ZDHHC21: variants seen among roughly 807,000 people sequenced by gnomAD.
ZDHHC21 encodes palmitoyltransferase ZDHHC21.
ZDHHC21 carries 15 observed loss-of-function variants against 34.6 expected under a neutral mutation model. That is an observed-to-expected ratio of 0.43 (90% CI 0.29 to 0.67). The LOEUF is 0.67. ZDHHC21 is among the 30% of genes least tolerant of loss of function. The probability of loss-of-function intolerance (pLI) is 0.14; values close to 1 mark genes in which losing one functional copy is unlikely to be tolerated. For synonymous variants in ZDHHC21, 142 were observed against 101.8 expected (o/e 1.40, Z -2.38); for missense variants, 344 against 327.7 (o/e 1.05, Z -0.38).
chr9:14,604,280 C>G, the ZDHHC21 span, among the ~76,000 whole-genome samples: 1 of 152,068 alleles, frequency 6.6e-6, no homozygotes, highest in African/African-American at 2.4e-5. Flanking sequence ...AGGAAATAAT[C>G]CACTTAGTGA....
chr9:14,685,151 T>G (rs545926213), intron 2 of ZDHHC21, among the ~76,000 whole-genome samples: 2,194 of 151,758 alleles, frequency 0.014, 27 homozygotes, highest in South Asian at 0.076. Flanking sequence ...GGGCAAGGAC[T>G]TCATGTCTAA....
intron 8 of ZDHHC21, among the ~76,000 whole-genome samples, chr9:14,628,267 T>C (rs983964752): frequency 2.0e-5 from 3 of 152,190 alleles, no homozygotes; most frequent in East Asian, 1.9e-4. Flanking sequence ...ACAGATAATC[T>C]ACTCTTGCTA....
downstream of ZDHHC21, among the ~76,000 whole-genome samples, chr9:14,608,955 T>C (rs1158360100): frequency 6.6e-6 from 1 of 152,150 alleles, no homozygotes; most frequent in Non-Finnish European, 1.5e-5. Context: ...ATATTTTAAG[T>C]GTTCAAAAGC....
chr9:14,667,221 C>A (rs1430359318), intron 5 of ZDHHC21, among the ~76,000 whole-genome samples: 1 of 148,002 alleles, frequency 6.8e-6, no homozygotes, highest in African/African-American at 2.5e-5. Context: ...ACTACAAACA[C>A]CTCTACTCAA....
At chr9:14,660,738 G>C (rs181250031) in intron 6 of ZDHHC21, among the ~76,000 whole-genome samples, 1 of 152,072 alleles carries the variant, frequency 6.6e-6, no homozygotes, top group East Asian at 1.9e-4. Flanking sequence ...CCCAACGTTA[G>C]AATTAAGGTT....
chr9:14,678,438 A>T (rs1382383106), intron 3 of ZDHHC21, among the ~76,000 whole-genome samples: 4 of 152,206 alleles, frequency 2.6e-5, no homozygotes, highest in East Asian at 3.9e-4. Context: ...AGGGAAAAAA[A>T]TCCAATGGCT....
intron 7 of ZDHHC21, among the ~76,000 whole-genome samples, chr9:14,648,856 T>C (rs1227293931): frequency 6.6e-6 from 1 of 152,098 alleles, no homozygotes; most frequent in Non-Finnish European, 1.5e-5. Flanking sequence ...TTCCTATCAA[T>C]GAGTTTGAAG....
chr9:14,609,075 C>G (rs1823114023), downstream of ZDHHC21, among the ~76,000 whole-genome samples: 1 of 128,200 alleles, frequency 7.8e-6, no homozygotes. Context: ...TCCACCTTCC[C>G]CAATTGTTTC....
chr9:14,589,360 G>C, the ZDHHC21 span: 63 of 152,134 alleles, frequency 4.1e-4, no homozygotes, highest in African/African-American at 1.5e-3. Flanking sequence ...TATAATCCCT[G>C]AAAAAAAGGA....
the ZDHHC21 span, among the ~76,000 whole-genome samples, chr9:14,601,634 T>C: frequency 0.052 from 7,991 of 152,226 alleles, 681 homozygotes; most frequent in African/African-American, 0.18. Context: ...AACCCAGCAA[T>C]CCCATTAATG....
chr9:14,589,538 C>G, the ZDHHC21 span: 1 of 151,948 alleles, frequency 6.6e-6, no homozygotes, highest in African/African-American at 2.4e-5. Context: ...TCCTGCAGAG[C>G]AAAAGTTTCA....
chr9:14,645,160 G>A (rs1830075251), intron 7 of ZDHHC21, among the ~76,000 whole-genome samples: 1 of 151,676 alleles, frequency 6.6e-6, no homozygotes, highest in Non-Finnish European at 1.5e-5. Flanking sequence ...AGGAAAATGG[G>A]AATTTAAAAA....
chr9:14,682,306 C>T (rs1010890615), intron 2 of ZDHHC21, among the ~76,000 whole-genome samples: 6 of 152,104 alleles, frequency 3.9e-5, no homozygotes, highest in Non-Finnish European at 7.4e-5. Flanking sequence ...ATCTCACGTG[C>T]AGAGACACAC....
chr9:14,675,365 A>G (rs1024279120), intron 3 of ZDHHC21, among the ~76,000 whole-genome samples: 1 of 152,004 alleles, frequency 6.6e-6, no homozygotes, highest in Admixed American at 6.6e-5. Flanking sequence ...ACGGTTCTCT[A>G]GCCTGTAAGA....
Position 14,619,621 on chromosome 9 carries a change from C to T in ZDHHC21, c.665+18G>A. 7.1e-7 allele frequency: 1 copy of T among 1,401,802 alleles called. No individual in the cohort carries two copies. 86.8% of individuals were successfully genotyped at this position (1,401,802 alleles called of 1,614,324 possible). A position where few individuals can be genotyped will look rare whatever the true frequency, so the allele number is the denominator to read the frequency against. On this transcript the variant is annotated intron_variant, in intron 9 of 9. Coordinates refer to ENST00000380916, the MANE Select transcript of ZDHHC21 (RefSeq NM_178566.6). ...TTCCAATTTTAAATAATACTATACA[C>T]TTCAGTTTTATACTTACATATCTTC...
intron 7 of ZDHHC21, among the ~76,000 whole-genome samples, chr9:14,642,347 G>C (rs1291662201): frequency 6.6e-6 from 1 of 151,872 alleles, no homozygotes. Context: ...GATTTTTTTA[G>C]ATTTAACACT....
chr9:14,631,580 C>T lies in ZDHHC21; in HGVS notation c.621+8316G>A, dbSNP rs1827353533. On this transcript the variant is annotated intron_variant, in intron 8 of 9. Coordinates refer to ENST00000380916, the MANE Select transcript of ZDHHC21 (RefSeq NM_178566.6). ...AATTTGGCACAAGAGGTCTAGTTTT[C>T]GGCCTGTCTCAGCTTTTAACATGCC... Among the ~76,000 whole-genome samples the T allele has an allele frequency of 4.6e-5, 7 of 152,174 alleles. No individual in the cohort carries two copies. In the South Asian group the frequency reaches 1.4e-3, roughly 31 times the overall value.
intron 7 of ZDHHC21, among the ~76,000 whole-genome samples, chr9:14,651,913 C>A (rs1831301282): frequency 6.6e-6 from 1 of 151,836 alleles, no homozygotes; most frequent in Non-Finnish European, 1.5e-5. Flanking sequence ...CAAATCATTA[C>A]CCAATCTACA....
chr9:14,635,894 T>A (rs1282526999), intron 8 of ZDHHC21, among the ~76,000 whole-genome samples: 1 of 152,020 alleles, frequency 6.6e-6, no homozygotes, highest in African/African-American at 2.4e-5. Flanking sequence ...AAAAACCCAC[T>A]GGCAGAGCAA....
Sources: gnomAD v4.1 joint callset for allele counts (sites outside exome capture counted in the v4.1 genomes callset) on GRCh38, gnomAD v4.1.1 for gene constraint, MANE v1.5 for transcripts, NCBI Gene and HGNC (gene_info 2026-07-23, HGNC 2026-07-21) for gene names.